The following ELAVL2 variants were observed in gnomAD, a reference collection of about 807,000 sequenced individuals.
ELAVL2 encodes ELAV like RNA binding protein 2, also known as ELAV-like protein 2.
In ELAVL2, 4 loss-of-function variants were observed where a neutral mutation model predicts 34.6. The observed-to-expected ratio is 0.12, with a 90% confidence interval of 0.06 to 0.26. The LOEUF is 0.26. Ranked by LOEUF, ELAVL2 falls within the 10% of genes least tolerant of loss-of-function variation. The pLI, the probability that ELAVL2 is intolerant of heterozygous loss-of-function variation, is 1.00. For missense variants in ELAVL2, 432 were observed against 442.8 expected (o/e 0.98, Z 0.22); for synonymous variants, 193 against 154.8 (o/e 1.25, Z -1.83).
intron 4 of ELAVL2, among the ~76,000 whole-genome samples, chr9:23,702,249 T>C (rs2037517447): frequency 6.6e-6 from 1 of 152,046 alleles, no homozygotes; most frequent in South Asian, 2.1e-4. Flanking sequence ...CAGAAAAATA[T>C]TATATGGAGA....
Position 23,699,812 on chromosome 9 carries a change from GTTTTTTTTTTTTTTTTTT to G in ELAVL2, c.713+1549_713+1566del, listed in dbSNP as rs199637833. Reference sequence around the variant, plus strand: ...CCATGGGAAGTCAAAGGTGGCAAAGGTTTTTTTTTTTTTTTTTTTTTTTTTTTTTTTTTTTTTTTTAAT... The same window carrying G: ...CCATGGGAAGTCAAAGGTGGCAAAGGTTTTTTTTTTTTTTTTTTTTTTAAT... On this transcript the variant is annotated intron_variant, in intron 5 of 6. Transcript: ENST00000397312. 7.9e-3 allele frequency among the ~76,000 whole-genome samples: 653 copies of G among 82,968 alleles called. 10 individuals are homozygous for G. Among genetic ancestry groups the G allele is most frequent in the African/African-American group, 0.027 (612 of 22,924 alleles). 54.4% of individuals were successfully genotyped at this position (82,968 alleles called of 152,430 possible).
intron 1 of ELAVL2, among the ~76,000 whole-genome samples, chr9:23,800,703 T>A (rs987147301): frequency 2.0e-5 from 3 of 152,208 alleles, no homozygotes; most frequent in Non-Finnish European, 4.4e-5. Context: ...TTAGAAAATT[T>A]GACTTACTTA....
At chr9:23,830,911 C>A (rs1345116624), upstream of ELAVL2, among the ~76,000 whole-genome samples, 1 of 151,950 alleles carries the variant, frequency 6.6e-6, no homozygotes, top group African/African-American at 2.4e-5. Flanking sequence ...GAAAAAAAAC[C>A]CCAAAAAACC....
intron 1 of ELAVL2, among the ~76,000 whole-genome samples, chr9:23,771,596 A>G (rs542659103): frequency 3.9e-5 from 6 of 152,162 alleles, no homozygotes; most frequent in Non-Finnish European, 8.8e-5. Flanking sequence ...TTCATTTAGG[A>G]GCAAATATAA....
chr9:23,711,724 C>T (rs2041017517), intron 3 of ELAVL2, among the ~76,000 whole-genome samples: 1 of 152,164 alleles, frequency 6.6e-6, no homozygotes, highest in Admixed American at 6.5e-5. Flanking sequence ...ACTGACTTAA[C>T]CAAAATGTAC....
At chr9:23,775,355 G>A (rs1198341840) in intron 1 of ELAVL2, among the ~76,000 whole-genome samples, 1 of 152,160 alleles carries the variant, frequency 6.6e-6, no homozygotes. Context: ...GGGTGGCAGA[G>A]CAAGACCATG....
intron 1 of ELAVL2, among the ~76,000 whole-genome samples, chr9:23,767,451 T>C (rs932869456): frequency 6.6e-6 from 1 of 152,162 alleles, no homozygotes; most frequent in African/African-American, 2.4e-5. Context: ...TTCAAACCTC[T>C]TGCAGACAGC....
At chr9:23,753,599 A>C (rs2052707352) in intron 2 of ELAVL2, among the ~76,000 whole-genome samples, 1 of 152,162 alleles carries the variant, frequency 6.6e-6, no homozygotes, top group Non-Finnish European at 1.5e-5. Context: ...CAAAAAAAAG[A>C]AGCAACAAGT....
chr9:23,777,403 C>G (rs1246355558), intron 1 of ELAVL2, among the ~76,000 whole-genome samples: 1 of 152,030 alleles, frequency 6.6e-6, no homozygotes, highest in African/African-American at 2.4e-5. Flanking sequence ...CTTGACGATT[C>G]TGAGTGCCAG....
At chr9:23,716,430 C>A (rs115196847) in intron 3 of ELAVL2, among the ~76,000 whole-genome samples, 1,601 of 152,216 alleles carry the variant, frequency 0.011, 24 homozygotes, top group African/African-American at 0.036. Context: ...CACCTACCAA[C>A]AAGTTTTGAA....
chr9:23,817,201 T>C (rs531402676), intron 1 of ELAVL2, among the ~76,000 whole-genome samples: 5 of 152,274 alleles, frequency 3.3e-5, no homozygotes, highest in South Asian at 4.1e-4. Flanking sequence ...ACTGATGTAA[T>C]AGATATCAGT....
chr9:23,694,722 T>TA (rs1277777062), intron 5 of ELAVL2, among the ~76,000 whole-genome samples: 1 of 152,236 alleles, frequency 6.6e-6, no homozygotes, highest in Non-Finnish European at 1.5e-5. Context: ...TGGGGAAATA[T>TA]ATAGCCTCCC....
intron 3 of ELAVL2, among the ~76,000 whole-genome samples, chr9:23,720,968 C>T (rs1290322889): frequency 6.6e-6 from 1 of 152,130 alleles, no homozygotes; most frequent in Non-Finnish European, 1.5e-5. Flanking sequence ...TCCTGATAAA[C>T]ATTAAAGTGT....
intron 1 of ELAVL2, among the ~76,000 whole-genome samples, chr9:23,787,886 A>C (rs1007941217): frequency 6.6e-6 from 1 of 152,200 alleles, no homozygotes. Context: ...TGGGGAATTC[A>C]TCCAGCTTTT....
chr9:23,779,280 CATGAAAACCTGCTTCACACTGGCAA>C, intron 1 of ELAVL2: 1 of 985,406 alleles, frequency 1.0e-6, no homozygotes, highest in Non-Finnish European at 1.2e-6. Context: ...AGTAGAATCC[CATGAAAACCTGCTTCACACTGGCAA>C]AGTGGGCAGA....
intron 4 of ELAVL2, among the ~76,000 whole-genome samples, chr9:23,702,687 T>C (rs527427187): frequency 3.0e-4 from 46 of 152,118 alleles, no homozygotes; most frequent in African/African-American, 1.1e-3. Flanking sequence ...TTTCCACATA[T>C]GCGTATCTAA....
chr9:23,705,138 A>G, intron 3 of ELAVL2, 67 bp from the exon 4 acceptor site: 5 of 1,581,536 alleles, frequency 3.2e-6, no homozygotes, highest in South Asian at 1.1e-5. Context: ...TAGAAACTCA[A>G]AAACTGCCTC....
chr9:23,789,077 C>T (rs926942262), intron 1 of ELAVL2, among the ~76,000 whole-genome samples: 2 of 152,108 alleles, frequency 1.3e-5, no homozygotes, highest in African/African-American at 4.8e-5. Context: ...AGAATATAGT[C>T]CCCCAATTTT....
At chr9:23,748,334 A>G (rs373167436) in intron 2 of ELAVL2, among the ~76,000 whole-genome samples, 82 of 152,302 alleles carry the variant, frequency 5.4e-4, no homozygotes, top group Non-Finnish European at 8.8e-4. Context: ...GGTAACGAGA[A>G]GTAGTCTGGG....
Sources: gnomAD v4.1 joint callset for allele counts (sites outside exome capture counted in the v4.1 genomes callset) on GRCh38, gnomAD v4.1.1 for gene constraint, MANE v1.5 for transcripts, NCBI Gene and HGNC (gene_info 2026-07-23, HGNC 2026-07-21) for gene names.